Variants in SLC9C1 observed in about 807,000 individuals in gnomAD.
SLC9C1 encodes solute carrier family 9 member C1.
A neutral mutation model predicts 140.9 loss-of-function variants in SLC9C1; 97 were observed. The ratio of observed to expected loss-of-function variants is 0.69; its 90% CI spans 0.58 to 0.82. SLC9C1 has a LOEUF of 0.82. Among genes scored for constraint, SLC9C1 ranks in the 40% least tolerant of loss-of-function variants. The probability of loss-of-function intolerance (pLI) is 0.00; values close to 1 mark genes in which losing one functional copy is unlikely to be tolerated. For synonymous variants in SLC9C1, 440 were observed against 442.6 expected (o/e 0.99, Z 0.07); for missense variants, 1,340 against 1,389.3 (o/e 0.96, Z 0.56).
At chr3:112,280,954 C>T (rs1171539233) in intron 2 of SLC9C1, among the ~76,000 whole-genome samples, 171 bp from the exon 3 acceptor site, 2 of 152,196 alleles carry the variant, frequency 1.3e-5, no homozygotes, top group Admixed American at 1.3e-4. Flanking sequence ...AACTGTTAAT[C>T]TACCGGGTTA....
chr3:112,168,834 A>G lies in SLC9C1; in HGVS notation c.3237+43T>C, dbSNP rs371218075. 1.3e-4 allele frequency: 185 copies of G among 1,479,384 alleles called. 7 individuals are homozygous for G. In the South Asian group the frequency reaches 1.7e-3, roughly 14 times the overall value. The allele number at this position is 1,479,384 out of a possible 1,614,324, so 91.6% of individuals were successfully genotyped here. A position where few individuals can be genotyped will look rare whatever the true frequency, so the allele number is the denominator to read the frequency against. On this transcript the variant is annotated intron_variant, in intron 25 of 28. Coordinates refer to ENST00000305815, the MANE Select transcript of SLC9C1 (RefSeq NM_183061.3). ...TTCTGACGTTAATACATTGTTGGAC[A>G]TATGGCATATTGATCTGAAGACAGG...
intron 10 of SLC9C1, among the ~76,000 whole-genome samples, chr3:112,260,583 T>C (rs1459270772): frequency 6.6e-6 from 1 of 152,162 alleles, no homozygotes. Flanking sequence ...GAGTTTTGTG[T>C]CAGGCAGTTA....
At chr3:112,264,116 T>C (rs1412150693) in intron 9 of SLC9C1, 84 bp downstream of exon 9, 1 of 633,572 alleles carries the variant, frequency 1.6e-6, no homozygotes, top group Non-Finnish European at 2.2e-6. Flanking sequence ...CAATCTAAGG[T>C]ACGAAATCTT....
chr3:112,284,414 T>C (rs2080444858), intron 2 of SLC9C1, among the ~76,000 whole-genome samples: 2 of 152,144 alleles, frequency 1.3e-5, no homozygotes, highest in Admixed American at 6.5e-5. Context: ...AAAGAGAATA[T>C]ATTATTACCA....
At chr3:112,207,461 A>G (rs920401351) in intron 16 of SLC9C1, among the ~76,000 whole-genome samples, 1 of 152,172 alleles carries the variant, frequency 6.6e-6, no homozygotes, top group African/African-American at 2.4e-5. Context: ...AAAGTAGATG[A>G]GACAGCATGG....
intron 12 of SLC9C1, among the ~76,000 whole-genome samples, chr3:112,233,560 C>A (rs13080324): frequency 0.25 from 37,301 of 151,248 alleles, 5,228 homozygotes; most frequent in Non-Finnish European, 0.33. Flanking sequence ...TATACATGTG[C>A]CATGTTGGTG....
At chr3:112,191,629 T>C (rs987342789) in intron 20 of SLC9C1, among the ~76,000 whole-genome samples, 1 of 152,136 alleles carries the variant, frequency 6.6e-6, no homozygotes, top group Non-Finnish European at 1.5e-5. Flanking sequence ...GCAGGTATGT[T>C]CATCAGAAAT....
At chr3:112,189,968 C>T (rs886134247) in intron 20 of SLC9C1, among the ~76,000 whole-genome samples, 2 of 152,062 alleles carry the variant, frequency 1.3e-5, no homozygotes, top group Non-Finnish European at 2.9e-5. Flanking sequence ...AAGTTGGATT[C>T]CTAGGTATTT....
intron 10 of SLC9C1, among the ~76,000 whole-genome samples, chr3:112,246,903 T>A (rs2079301386): frequency 6.6e-6 from 1 of 152,154 alleles, no homozygotes; most frequent in South Asian, 2.1e-4. Context: ...AGACAGAGAC[T>A]AGAGGCAGCA....
intron 15 of SLC9C1, among the ~76,000 whole-genome samples, chr3:112,213,260 T>C (rs2078258992): frequency 6.6e-6 from 1 of 152,070 alleles, no homozygotes; most frequent in African/African-American, 2.4e-5. Flanking sequence ...ACAAGCCAAA[T>C]TGTAAAGACC....
At chr3:112,171,481 T>C (rs2077246493) in intron 23 of SLC9C1, among the ~76,000 whole-genome samples, 1 of 152,204 alleles carries the variant, frequency 6.6e-6, no homozygotes, top group Admixed American at 6.5e-5. Flanking sequence ...TTTGAATTGT[T>C]AAGAGTTATT....
chr3:112,282,454 G>A (rs1303098599), intron 2 of SLC9C1, among the ~76,000 whole-genome samples: 1 of 152,160 alleles, frequency 6.6e-6, no homozygotes, highest in Non-Finnish European at 1.5e-5. Context: ...CAAAGCTTTA[G>A]CAGAAAAATG....
chr3:112,233,233 A>AT (rs2078882433), intron 12 of SLC9C1, among the ~76,000 whole-genome samples: 1 of 151,516 alleles, frequency 6.6e-6, no homozygotes, highest in Non-Finnish European at 1.5e-5. Context: ...CACCCAACTA[A>AT]TTTTTTGTAT....
In SLC9C1 at chr3:112,172,604, GTGGACATTCT is replaced by G. The variant is rs780163751; in HGVS notation, c.2920-3286_2920-3277del. ...ATAATACTGAATGGAAGTGGTGAGA[GTGGACATTCT>G]TGTCTTGCTCTCAGTCTTACCGTCT... On this transcript the variant is annotated intron_variant, in intron 23 of 28. Coordinates refer to ENST00000305815, the MANE Select transcript of SLC9C1 (RefSeq NM_183061.3). 1.2e-3 allele frequency among the ~76,000 whole-genome samples: 180 copies of G among 152,116 alleles called. 1 individual carries two copies. Among genetic ancestry groups the G allele is most frequent in the Non-Finnish European group, 8.7e-4 (59 of 67,930 alleles).
chr3:112,276,174 T>C (rs1462385040), intron 5 of SLC9C1, among the ~76,000 whole-genome samples: 1 of 152,130 alleles, frequency 6.6e-6, no homozygotes, highest in Non-Finnish European at 1.5e-5. Flanking sequence ...TTTGGAGTTG[T>C]TTATTACTCA....
intron 12 of SLC9C1, among the ~76,000 whole-genome samples, chr3:112,237,961 CT>C (rs1463460939): frequency 6.6e-6 from 1 of 152,058 alleles, no homozygotes; most frequent in Admixed American, 6.6e-5. Flanking sequence ...CGAGAAGTAT[CT>C]TTGTGGCATT....
chr3:112,232,529 A>G (rs1392937712), intron 12 of SLC9C1, among the ~76,000 whole-genome samples: 5 of 152,146 alleles, frequency 3.3e-5, no homozygotes. Flanking sequence ...TCCTATCTGG[A>G]GCTTTAAGCA....
intron 20 of SLC9C1, among the ~76,000 whole-genome samples, chr3:112,188,698 G>A (rs549110743): frequency 2.6e-5 from 4 of 152,148 alleles, no homozygotes; most frequent in Non-Finnish European, 4.4e-5. Flanking sequence ...ATGAACATAC[G>A]TGTGCATGTG....
intron 6 of SLC9C1, among the ~76,000 whole-genome samples, chr3:112,270,945 T>G (rs1340329881): frequency 6.6e-6 from 1 of 152,092 alleles, no homozygotes; most frequent in East Asian, 1.9e-4. Context: ...AGTGAATGAA[T>G]AAAGAAAATA....
Sources: allele counts gnomAD v4.1 joint callset (sites outside exome capture counted in the v4.1 genomes callset), GRCh38; gene constraint gnomAD v4.1.1; transcripts MANE v1.5; gene names NCBI Gene and HGNC (gene_info 2026-07-23, HGNC 2026-07-21).